Variants in CSMD1 observed in about 807,000 individuals in gnomAD.
CSMD1 encodes CUB and sushi domain-containing protein 1.
In CSMD1, 213 loss-of-function variants were observed where a neutral mutation model predicts 417.5. The observed-to-expected ratio is 0.51, with a 90% CI of 0.46 to 0.57. CSMD1 has a LOEUF of 0.57. CSMD1 is among the 20% of genes least tolerant of loss of function. The pLI is 0.00. For synonymous variants in CSMD1, 2,862 were observed against 1,736.8 expected (o/e 1.65, Z -16.11); for missense variants, 6,923 against 4,529.7 (o/e 1.53, Z -15.17).
intron 1 of CSMD1, among the ~76,000 whole-genome samples, chr8:4,751,488 AT>A (rs1431244769): frequency 4.3e-4 from 66 of 152,194 alleles, no homozygotes; most frequent in Admixed American, 4.3e-3. Flanking sequence ...AGTGTCCTGG[AT>A]TTTGTGGAAT....
intron 3 of CSMD1, among the ~76,000 whole-genome samples, chr8:4,108,865 C>A (rs1801706682): frequency 6.6e-6 from 1 of 152,276 alleles, no homozygotes; most frequent in East Asian, 1.9e-4. Flanking sequence ...AGCCTATCTG[C>A]AAGAATTTGT....
intron 23 of CSMD1, among the ~76,000 whole-genome samples, chr8:3,309,695 T>C (rs10086567): frequency 0.9 from 137,773 of 152,240 alleles, 62,619 homozygotes; most frequent in Middle Eastern, 0.96. Flanking sequence ...TTGAATGCTT[T>C]CTTTTCTCAA....
intron 3 of CSMD1, among the ~76,000 whole-genome samples, chr8:4,202,172 T>C (rs1362103745): frequency 6.6e-6 from 1 of 152,168 alleles, no homozygotes; most frequent in Non-Finnish European, 1.5e-5. Flanking sequence ...TGACCAGCTG[T>C]GTTAGTATTA....
chr8:3,656,909 A>T (rs952828383), intron 7 of CSMD1, among the ~76,000 whole-genome samples: 27 of 146,844 alleles, frequency 1.8e-4, no homozygotes, highest in South Asian at 9.0e-4. Flanking sequence ...TGGGCAACAG[A>T]GCAAGACTCT....
chr8:4,196,851 T>A (rs192293796), intron 3 of CSMD1, among the ~76,000 whole-genome samples: 28 of 152,316 alleles, frequency 1.8e-4, no homozygotes, highest in Admixed American at 3.3e-4. Flanking sequence ...AGCCTGCACA[T>A]GCCTTCATAG....
intron 3 of CSMD1, among the ~76,000 whole-genome samples, chr8:4,181,766 A>C (rs1250571023): frequency 1.3e-5 from 2 of 152,202 alleles, no homozygotes; most frequent in African/African-American, 4.8e-5. Flanking sequence ...CTTGTCATTG[A>C]AATATTACGT....
At chr8:3,885,988 T>C (rs1806537474) in intron 5 of CSMD1, among the ~76,000 whole-genome samples, 1 of 151,972 alleles carries the variant, frequency 6.6e-6, no homozygotes. Context: ...ATTCAAATTA[T>C]ATATATATGT....
chr8:3,434,986 C>G (rs1459933382), intron 12 of CSMD1, among the ~76,000 whole-genome samples: 3 of 152,054 alleles, frequency 2.0e-5, no homozygotes, highest in Non-Finnish European at 4.4e-5. Flanking sequence ...CCCCAGGGAG[C>G]TGGTAGCAGA....
chr8:4,791,084 GAGAGAGACGGT>G (rs1356866428), intron 1 of CSMD1, among the ~76,000 whole-genome samples: 2,272 of 152,112 alleles, frequency 0.015, 29 homozygotes, highest in Non-Finnish European at 0.023. Context: ...GAGAGACGGT[GAGAGAGACGGT>G]GAGAAGAGAC....
rs1330894596 is a variant in CSMD1 at position 4,267,091 on chromosome 8, T to C, written c.415+152862A>G. Among the ~76,000 whole-genome samples the C allele has an allele frequency of 2.9e-5, 3 of 103,740 alleles. 1 individual carries two copies. Among genetic ancestry groups the C allele is most frequent in the Non-Finnish European group, 5.2e-5 (2 of 38,632 alleles). The allele number at this position is 103,740 out of a possible 152,430, so 68.1% of individuals were successfully genotyped here. A position where few individuals can be genotyped will look rare whatever the true frequency, so the allele number is the denominator to read the frequency against. On this transcript the variant is annotated intron_variant, in intron 3 of 69. Transcript: ENST00000635120. ...AATAGAGTGTCTGTTTACTTCAATG[T>C]TATTTTTTTTTGAAAGTGCTTTCTA...
chr8:3,875,061 G>A (rs1359416996), intron 5 of CSMD1, among the ~76,000 whole-genome samples: 3 of 152,114 alleles, frequency 2.0e-5, no homozygotes, highest in African/African-American at 7.2e-5. Flanking sequence ...TGAAAGAGCA[G>A]AAGAGCGGAC....
In CSMD1 at chr8:4,003,344, G is replaced by C. The variant is rs903892309; in HGVS notation, c.611-5234C>G. ...GGAGGTGGAGCTTGCAGTGAGCAGA[G>C]ATTGCCCTACTGCACTCCAGCCTGG... is the stretch of plus-strand genomic sequence containing the variant. On this transcript the variant is annotated intron_variant, in intron 4 of 69. Coordinates refer to ENST00000635120, the MANE Select transcript of CSMD1 (RefSeq NM_033225.6). 2.0e-5 allele frequency among the ~76,000 whole-genome samples: 3 copies of C among 152,038 alleles called. No individual in the cohort carries two copies. The East Asian group carries it at 5.8e-4, about 29-fold the overall frequency.
intron 46 of CSMD1, 21 bp from the exon 47 acceptor site, chr8:3,097,058 A>C (rs1419518808): frequency 6.7e-7 from 1 of 1,494,702 alleles, no homozygotes; most frequent in Non-Finnish European, 8.9e-7. Context: ...AAGTACCAGC[A>C]AAAGTTTGCT....
intron 11 of CSMD1, among the ~76,000 whole-genome samples, chr8:3,492,212 T>C (rs943925815): frequency 6.6e-6 from 1 of 152,064 alleles, no homozygotes; most frequent in Non-Finnish European, 1.5e-5. Flanking sequence ...ATTGCTTCAG[T>C]GGAGTGTTAT....
intron 1 of CSMD1, among the ~76,000 whole-genome samples, chr8:4,658,548 G>C (rs10092354): frequency 0.53 from 80,172 of 151,960 alleles, 21,494 homozygotes; most frequent in Admixed American, 0.65. Context: ...ATCAGACATT[G>C]ATAAACTAGA....
chr8:4,021,558 T>C (rs949052804), intron 4 of CSMD1, among the ~76,000 whole-genome samples: 6 of 152,200 alleles, frequency 3.9e-5, no homozygotes, highest in African/African-American at 1.4e-4. Context: ...TCTGAGCAGG[T>C]GCACCTGGGA....
chr8:4,805,928 G>A (rs759043317), intron 1 of CSMD1, among the ~76,000 whole-genome samples: 15 of 152,122 alleles, frequency 9.9e-5, no homozygotes, highest in African/African-American at 2.7e-4. Flanking sequence ...GGACCTCAGA[G>A]CAGTAAACCT....
intron 2 of CSMD1, among the ~76,000 whole-genome samples, chr8:4,439,457 ATTC>A (rs1182224791): frequency 2.0e-5 from 3 of 152,108 alleles, no homozygotes; most frequent in Non-Finnish European, 2.9e-5. Flanking sequence ...TTTTCCTAAC[ATTC>A]TTATGTTTTC....
chr8:3,926,024 C>CACACACACACACACACCAT (rs1563217923), intron 5 of CSMD1, among the ~76,000 whole-genome samples: 7 of 118,352 alleles, frequency 5.9e-5, no homozygotes, highest in Non-Finnish European at 9.9e-5. Flanking sequence ...TACACACACA[C>CACACACACACACACACCAT]ACACACACAC....
Sources: allele counts gnomAD v4.1 joint callset (sites outside exome capture counted in the v4.1 genomes callset), GRCh38; gene constraint gnomAD v4.1.1; transcripts MANE v1.5; gene names NCBI Gene and HGNC (gene_info 2026-07-23, HGNC 2026-07-21).